Variants in ATP11B observed in about 807,000 individuals in gnomAD.
The protein encoded by ATP11B is phospholipid-transporting ATPase IF.
Under a neutral mutation model 157.8 loss-of-function variants are expected in ATP11B, and 81 were observed. The observed-to-expected ratio is 0.51, with a 90% CI of 0.43 to 0.62. The LOEUF is 0.62. Among genes scored for constraint, ATP11B ranks in the 20% least tolerant of loss-of-function variants. The pLI is 0.00. For synonymous variants in ATP11B, 451 were observed against 469.4 expected, an observed-to-expected ratio of 0.96 and a Z score of 0.51; for missense variants, 1,165 against 1,402.2, an observed-to-expected ratio of 0.83 and a Z score of 2.70.
In ATP11B at chr3:182,882,988, G is replaced by A. The variant is rs542891660; in HGVS notation, c.2510-1765G>A. Among the ~76,000 whole-genome samples the A allele has an allele frequency of 1.7e-3, 266 of 152,208 alleles. 2 individuals are homozygous for A. The highest frequency in any genetic ancestry group is 6.8e-3 in the Middle Eastern group (2 of 294). On this transcript the variant is annotated intron_variant, in intron 21 of 29. Coordinates refer to ENST00000323116, the MANE Select transcript of ATP11B (RefSeq NM_014616.3). The stretch of plus-strand genomic sequence containing the variant: ...GAAGTTAAAATTGCCTGTCAGATTG[G>A]CATCCATTATAAACACTGATAAACC...
At chr3:182,865,306 T>G (rs1421808179) in intron 12 of ATP11B, 150 bp from the exon 13 acceptor site, 10 of 645,170 alleles carry the variant, frequency 1.5e-5, no homozygotes, top group Non-Finnish European at 2.5e-5. Context: ...ATTTATTTAA[T>G]TGTGCTTGGA....
chr3:182,903,789 T>C (rs1724139042), intron 28 of ATP11B, among the ~76,000 whole-genome samples: 2 of 152,224 alleles, frequency 1.3e-5, no homozygotes, highest in South Asian at 4.1e-4. Flanking sequence ...CATCTAATTG[T>C]TTAAAGCAAA....
At chr3:182,837,274 C>T (rs1479654996) in intron 7 of ATP11B, 100 bp downstream of exon 7, 1 of 859,786 alleles carries the variant, frequency 1.2e-6, no homozygotes, top group Non-Finnish European at 1.7e-6. Flanking sequence ...TAATTGGAGA[C>T]TGTATTTGTG....
At chr3:182,800,717 C>G (rs1304274613) in intron 1 of ATP11B, among the ~76,000 whole-genome samples, 1 of 151,544 alleles carries the variant, frequency 6.6e-6, no homozygotes, top group Non-Finnish European at 1.5e-5. Flanking sequence ...GACTGGCTCA[C>G]TTAAAATTGT....
At chr3:182,881,667 T>G (rs1376542993) in intron 21 of ATP11B, among the ~76,000 whole-genome samples, 1 of 152,252 alleles carries the variant, frequency 6.6e-6, no homozygotes, top group East Asian at 1.9e-4. Flanking sequence ...CGATTATTTT[T>G]CATAATAAAA....
Position 182,873,934 on chromosome 3 carries a change from A to G in ATP11B, c.2171A>G (p.His724Arg), listed in dbSNP as rs747328494. The G allele has an allele frequency of 1.7e-5, 28 of 1,614,172 alleles. No homozygotes were observed. Among genetic ancestry groups the G allele is most frequent in the Non-Finnish European group, 2.4e-5 (28 of 1,180,022 alleles). ...VSVSLSCGHF[H>R]RTMNILELIN... ...GTGAGTTTATCATGTGGCCATTTTCATAGAACCATGAACATCCTTGAACTT... is the reference window on the plus strand; with the variant it reads ...GTGAGTTTATCATGTGGCCATTTTCGTAGAACCATGAACATCCTTGAACTT... Residue 724 changes from histidine to arginine, a missense_variant, in exon 19 of 30, where the codon CAT becomes CGT. His to Arg is a conservative substitution (Grantham distance 29, BLOSUM62 0). This residue lies in a region of ATP11B where 737 missense variants were observed against 930.5 expected (regional missense o/e 0.79). Transcript: ENST00000323116.
chr3:182,852,651 G>A (rs899933809), intron 10 of ATP11B, among the ~76,000 whole-genome samples: 4 of 152,196 alleles, frequency 2.6e-5, no homozygotes, highest in East Asian at 1.9e-4. Flanking sequence ...ACAGGTGGAC[G>A]TCTGTATGTC....
At chr3:182,818,850 A>G (rs1006929298) in intron 1 of ATP11B, among the ~76,000 whole-genome samples, 5 of 151,494 alleles carry the variant, frequency 3.3e-5, no homozygotes, top group Admixed American at 1.3e-4. Flanking sequence ...GCTTATGAAT[A>G]CCCAAGTTTT....
intron 12 of ATP11B, among the ~76,000 whole-genome samples, chr3:182,861,957 A>AC (rs1720872396): frequency 6.6e-6 from 1 of 151,336 alleles, no homozygotes. Context: ...AAAAAAAAAA[A>AC]ATGAAAGGCT....
chr3:182,859,956 T>C (rs1168433122), intron 12 of ATP11B, among the ~76,000 whole-genome samples: 1 of 152,186 alleles, frequency 6.6e-6, no homozygotes, highest in East Asian at 1.9e-4. Flanking sequence ...TCCTTTTTTT[T>C]TTTTTTGGTA....
intron 29 of ATP11B, chr3:182,915,655 A>AT (rs1364198236): frequency 7.2e-6 from 7 of 968,242 alleles, no homozygotes; most frequent in African/African-American, 5.3e-5. Flanking sequence ...TGAGCCCCAG[A>AT]TTTTTTCTGC....
At chr3:182,806,926 C>T (rs767069784) in intron 1 of ATP11B, among the ~76,000 whole-genome samples, 1 of 152,006 alleles carries the variant, frequency 6.6e-6, no homozygotes, top group Admixed American at 6.6e-5. Flanking sequence ...TCCGGCTATT[C>T]TTATCCTATA....
At chr3:182,872,315 G>A (rs778962111) in intron 17 of ATP11B, 41 bp from the exon 18 acceptor site, 11 of 1,382,352 alleles carry the variant, frequency 8.0e-6, no homozygotes, top group Non-Finnish European at 9.9e-6. Flanking sequence ...TTTGTTGTTT[G>A]TGTTCAATTT....
At chr3:182,890,984 A>G (rs1015155783) in intron 25 of ATP11B, among the ~76,000 whole-genome samples, 1 of 152,182 alleles carries the variant, frequency 6.6e-6, no homozygotes. Flanking sequence ...ACATGTATAC[A>G]TATGTAACAA....
chr3:182,822,670 C>A (rs987797788), intron 2 of ATP11B, among the ~76,000 whole-genome samples: 7 of 152,182 alleles, frequency 4.6e-5, no homozygotes, highest in Non-Finnish European at 1.0e-4. Flanking sequence ...ATTTCTAGTT[C>A]TAGATGCTTG....
chr3:182,806,292 C>T (rs1008447506), intron 1 of ATP11B, among the ~76,000 whole-genome samples: 5 of 152,060 alleles, frequency 3.3e-5, no homozygotes, highest in Admixed American at 2.0e-4. Context: ...TTAAGATTAT[C>T]TTTGTCCTTG....
intron 8 of ATP11B, among the ~76,000 whole-genome samples, 181 bp from the exon 9 acceptor site, chr3:182,845,277 C>G (rs1449644103): frequency 6.6e-6 from 1 of 152,050 alleles, no homozygotes; most frequent in Admixed American, 6.6e-5. Context: ...AAAGTGCTAG[C>G]ATTACAGGCG....
chr3:182,863,108 G>A (rs1720969805), intron 12 of ATP11B, among the ~76,000 whole-genome samples: 1 of 151,802 alleles, frequency 6.6e-6, no homozygotes, highest in African/African-American at 2.4e-5. Context: ...AGTAGAGATG[G>A]GGTTTCACCG....
intron 19 of ATP11B, among the ~76,000 whole-genome samples, chr3:182,874,406 G>A (rs1367022678): frequency 6.6e-6 from 1 of 152,178 alleles, no homozygotes; most frequent in East Asian, 1.9e-4. Flanking sequence ...AGTGTTTGGA[G>A]TGCCATGCAT....
Sources: allele counts gnomAD v4.1 joint callset (sites outside exome capture counted in the v4.1 genomes callset), GRCh38; gene constraint gnomAD v4.1.1; regional missense constraint gnomAD v4.1.1; transcripts MANE v1.5; gene names NCBI Gene and HGNC (gene_info 2026-07-23, HGNC 2026-07-21).